The following PPM1H variants were observed in gnomAD, a reference collection of about 807,000 sequenced individuals.
PPM1H encodes protein phosphatase 1H.
PPM1H carries 27 observed loss-of-function variants against 54.9 expected under a neutral mutation model. The observed-to-expected ratio is 0.49, with a 90% CI of 0.36 to 0.68. PPM1H has a LOEUF of 0.68. PPM1H is among the 30% of genes least tolerant of loss of function. The pLI, the probability that PPM1H is intolerant of heterozygous loss-of-function variation, is 0.00. For missense variants in PPM1H, 596 were observed against 667.8 expected, an observed-to-expected ratio of 0.89 and a Z score of 1.19; for synonymous variants, 305 against 270.8, an observed-to-expected ratio of 1.13 and a Z score of -1.24.
rs1460457625 is a variant in PPM1H, at chr12:62,864,660, C to T, written c.246-32381G>A. 2.0e-5 allele frequency among the ~76,000 whole-genome samples: 3 copies of T among 152,188 alleles called. No homozygotes were observed. The East Asian group carries it at 5.8e-4, about 29-fold the overall frequency. ...CAAACCTCTCTTTAACCCTTAACCA[C>T]TTTATCTTCCCACTGAGAACTTCTT... is the stretch of plus-strand genomic sequence containing the variant. On this transcript the variant is annotated intron_variant, in intron 1 of 9. Transcript: ENST00000228705.
Position 62,720,250 on chromosome 12 carries a change from G to A in PPM1H, c.994C>T (p.His332Tyr), listed in dbSNP as rs1039933884. The A allele has an allele frequency of 1.1e-5, 18 of 1,613,634 alleles. No individual in the cohort carries two copies. Among genetic ancestry groups the A allele is most frequent in the East Asian group, 2.2e-5 (1 of 44,898 alleles). The change falls in exon 6 of 10, where the codon CAT (histidine) becomes TAT (tyrosine). Residue 332 changes from histidine to tyrosine, a missense_variant. Physicochemically the swap from His to Tyr is moderately conservative, Grantham distance 83. Coordinates refer to ENST00000228705, the MANE Select transcript of PPM1H (RefSeq NM_020700.2). ...TGTACTCTCCTTGGAAACTCCAAAT[G>A]TGTGAACTCATTTCCCAGCAAGTGA... ...QPHLLGNEFT[H>Y]LEFPRRVQRK...
At chr12:62,689,549 G>A (rs2076071988) in intron 8 of PPM1H, 150 bp downstream of exon 8, 3 of 600,858 alleles carry the variant, frequency 5.0e-6, no homozygotes, top group African/African-American at 1.9e-5. Context: ...AGTGAGAATG[G>A]AGTGGGAAAA....
At chr12:62,888,245 T>C (rs570936977) in intron 1 of PPM1H, among the ~76,000 whole-genome samples, 1 of 152,176 alleles carries the variant, frequency 6.6e-6, no homozygotes, top group Admixed American at 6.5e-5. Flanking sequence ...CTGAAATTTA[T>C]AAAATGGAGG....
At chr12:62,702,012 A>G (rs2076146455) in intron 6 of PPM1H, among the ~76,000 whole-genome samples, 1 of 152,224 alleles carries the variant, frequency 6.6e-6, no homozygotes. Context: ...AGCTAAATGG[A>G]TGAATGAATG....
chr12:62,847,718 A>G (rs1308609930), intron 1 of PPM1H, among the ~76,000 whole-genome samples: 1 of 152,182 alleles, frequency 6.6e-6, no homozygotes, highest in Non-Finnish European at 1.5e-5. Context: ...TTGATTTATT[A>G]TCAATTGAGT....
intron 8 of PPM1H, among the ~76,000 whole-genome samples, chr12:62,669,240 C>G (rs1021727222): frequency 6.6e-6 from 1 of 152,222 alleles, no homozygotes; most frequent in African/African-American, 2.4e-5. Context: ...ATTCTGTCCT[C>G]AGGTCACTGA....
At chr12:62,897,423 G>A (rs1188139675) in intron 1 of PPM1H, among the ~76,000 whole-genome samples, 2 of 152,066 alleles carry the variant, frequency 1.3e-5, no homozygotes, top group Non-Finnish European at 2.9e-5. Flanking sequence ...AAGAATAAAG[G>A]AAAATTCAAC....
At position 62,813,359 on chromosome 12, in the gene PPM1H, G is replaced by A. The variant is rs188456818; in HGVS notation, c.412-11199C>T. Among the ~76,000 whole-genome samples, 453 of 132,948 alleles carry A rather than the reference G, an allele frequency of 3.4e-3. 1 individual carries two copies. Among genetic ancestry groups the A allele is most frequent in the Non-Finnish European group, 5.1e-3 (326 of 63,574 alleles). 87.2% of individuals were successfully genotyped at this position (132,948 alleles called of 152,430 possible). ...TGAATGTGAGGGGGAATTGGTCGGCGTGTAAGAGACACGTTAGAAATGCTT... is the reference window on the plus strand; with the variant it reads ...TGAATGTGAGGGGGAATTGGTCGGCATGTAAGAGACACGTTAGAAATGCTT... On this transcript the variant is annotated intron_variant, in intron 2 of 9. Coordinates refer to ENST00000228705, the MANE Select transcript of PPM1H (RefSeq NM_020700.2).
At chr12:62,708,954 A>G (rs2076191340) in intron 6 of PPM1H, among the ~76,000 whole-genome samples, 1 of 152,078 alleles carries the variant, frequency 6.6e-6, no homozygotes, top group Non-Finnish European at 1.5e-5. Context: ...TAATTTTCAT[A>G]CGTCATATTC....
At chr12:62,673,178 T>C (rs2075966180) in intron 8 of PPM1H, among the ~76,000 whole-genome samples, 1 of 152,208 alleles carries the variant, frequency 6.6e-6, no homozygotes, top group Non-Finnish European at 1.5e-5. Flanking sequence ...CCTTGACTAA[T>C]GTGCTCTGAA....
chr12:62,733,204 A>C (rs1376675354), intron 5 of PPM1H, among the ~76,000 whole-genome samples: 1 of 151,912 alleles, frequency 6.6e-6, no homozygotes, highest in Non-Finnish European at 1.5e-5. Context: ...CTGGGCTGGG[A>C]GAAATCCACA....
chr12:62,667,758 A>G (rs1294316811), intron 8 of PPM1H, among the ~76,000 whole-genome samples: 1 of 152,184 alleles, frequency 6.6e-6, no homozygotes, highest in African/African-American at 2.4e-5. Flanking sequence ...TGCAAAGTTA[A>G]ATATCTGATT....
chr12:62,910,625 C>T (rs1441905251), intron 1 of PPM1H, among the ~76,000 whole-genome samples: 1 of 152,144 alleles, frequency 6.6e-6, no homozygotes, highest in African/African-American at 2.4e-5. Context: ...ACTTATGGCA[C>T]TTTATCCAGG....
At chr12:62,762,092 G>C (rs1482485152) in intron 4 of PPM1H, among the ~76,000 whole-genome samples, 3 of 152,222 alleles carry the variant, frequency 2.0e-5, no homozygotes, top group Non-Finnish European at 4.4e-5. Context: ...CTGTTTTAGA[G>C]AATCTGCCAA....
intron 4 of PPM1H, among the ~76,000 whole-genome samples, chr12:62,781,329 C>T (rs550265829): frequency 3.5e-4 from 54 of 152,326 alleles, no homozygotes; most frequent in African/African-American, 1.2e-3. Context: ...ACAGGCAGGT[C>T]GCCCCCGCCC....
intron 6 of PPM1H, among the ~76,000 whole-genome samples, chr12:62,718,478 A>G (rs1821628360): frequency 6.6e-6 from 1 of 152,142 alleles, no homozygotes; most frequent in African/African-American, 2.4e-5. Flanking sequence ...TCAGGAATAT[A>G]TAAGAGCACC....
intron 1 of PPM1H, among the ~76,000 whole-genome samples, chr12:62,894,415 T>C (rs1870909350): frequency 6.6e-6 from 1 of 152,150 alleles, no homozygotes; most frequent in Non-Finnish European, 1.5e-5. Context: ...AACAAGGAAC[T>C]CTCCTAGTAT....
intron 1 of PPM1H, among the ~76,000 whole-genome samples, chr12:62,898,719 C>T (rs1384561240): frequency 6.6e-6 from 1 of 152,118 alleles, no homozygotes; most frequent in Non-Finnish European, 1.5e-5. Context: ...TTGGTAATTA[C>T]CAACCCACAT....
intron 4 of PPM1H, among the ~76,000 whole-genome samples, chr12:62,759,927 G>T (rs1434211599): frequency 6.6e-6 from 1 of 151,896 alleles, no homozygotes; most frequent in Non-Finnish European, 1.5e-5. Context: ...TGGGGGGCAA[G>T]CACCCCCCAT....
Sources: allele counts gnomAD v4.1 joint callset (sites outside exome capture counted in the v4.1 genomes callset), GRCh38; gene constraint gnomAD v4.1.1; transcripts MANE v1.5; gene names NCBI Gene and HGNC (gene_info 2026-07-23, HGNC 2026-07-21).